Variants in TCF7L1 observed in about 807,000 individuals in gnomAD.
TCF7L1 encodes the protein transcription factor 7 like 1.
In TCF7L1, 18 loss-of-function variants were observed where a neutral mutation model predicts 63.7. The observed-to-expected ratio is 0.28, with a 90% CI of 0.20 to 0.42. TCF7L1 has a LOEUF of 0.42. Ranked by LOEUF, TCF7L1 falls within the 10% of genes least tolerant of loss-of-function variation. The pLI is 1.00. For missense variants in TCF7L1, 654 were observed against 779.3 expected, an observed-to-expected ratio of 0.84 and a Z score of 1.91; for synonymous variants, 355 against 340.9, an observed-to-expected ratio of 1.04 and a Z score of -0.46.
At chr2:85,301,560 G>T (rs1018625628) in intron 4 of TCF7L1, among the ~76,000 whole-genome samples, 1 of 151,306 alleles carries the variant, frequency 6.6e-6, no homozygotes, top group South Asian at 2.1e-4. Flanking sequence ...TGTGTCTGTG[G>T]CGTGCCAGCG....
intron 3 of TCF7L1, among the ~76,000 whole-genome samples, chr2:85,157,537 C>A (rs1172239886): frequency 6.6e-6 from 1 of 152,194 alleles, no homozygotes; most frequent in Non-Finnish European, 1.5e-5. Context: ...CCATGTGGCA[C>A]CACCTCCCCC....
chr2:85,203,085 T>G (rs1422221190), intron 3 of TCF7L1, among the ~76,000 whole-genome samples: 6 of 152,180 alleles, frequency 3.9e-5, no homozygotes, highest in Admixed American at 3.9e-4. Context: ...TCCGCCCGCC[T>G]TGGCCTCTCA....
intron 3 of TCF7L1, among the ~76,000 whole-genome samples, chr2:85,243,864 A>G (rs6725799): frequency 0.6 from 90,720 of 152,072 alleles, 29,283 homozygotes; most frequent in African/African-American, 0.85. Flanking sequence ...CACGGACCAC[A>G]TTGTGAACAG....
At chr2:85,184,775 C>G (rs926967933) in intron 3 of TCF7L1, among the ~76,000 whole-genome samples, 14 of 152,156 alleles carry the variant, frequency 9.2e-5, no homozygotes, top group African/African-American at 2.9e-4. Context: ...AGGGGCGGGA[C>G]AAGGCTAGGG....
chr2:85,286,443 A>G (rs1295102280), intron 4 of TCF7L1, among the ~76,000 whole-genome samples: 1 of 152,046 alleles, frequency 6.6e-6, no homozygotes, highest in African/African-American at 2.4e-5. Context: ...TTGGGAGGCC[A>G]AGGAGGGAGG....
intron 3 of TCF7L1, among the ~76,000 whole-genome samples, chr2:85,153,637 G>T (rs373944910): frequency 6.6e-6 from 1 of 152,012 alleles, no homozygotes; most frequent in Non-Finnish European, 1.5e-5. Flanking sequence ...CACTGCACCC[G>T]GCTAGCCTCT....
chr2:85,237,370 G>A (rs72840190), intron 3 of TCF7L1, among the ~76,000 whole-genome samples: 5,881 of 152,056 alleles, frequency 0.039, 118 homozygotes, highest in Middle Eastern at 0.044. Flanking sequence ...CCTGATTGGA[G>A]CCCTGGTGAC....
Position 85,286,599 on chromosome 2 carries a change from G to C in TCF7L1, c.525+3021G>C, listed in dbSNP as rs143632349. ...CAACCTCTGCCTCCTGGGTTCAAGC[G>C]ATTCTCCTGCCTCAGCCTTCCAAGT... On this transcript the variant is annotated intron_variant, in intron 4 of 11. Coordinates refer to ENST00000282111, the MANE Select transcript of TCF7L1 (RefSeq NM_031283.3). 1.0e-2 allele frequency among the ~76,000 whole-genome samples: 1,514 copies of C among 152,092 alleles called. 17 individuals carry two copies. The highest frequency in any genetic ancestry group is 0.035 in the African/African-American group (1,447 of 41,522).
At chr2:85,195,789 C>T (rs1310557446) in intron 3 of TCF7L1, among the ~76,000 whole-genome samples, 2 of 152,140 alleles carry the variant, frequency 1.3e-5, no homozygotes, top group Non-Finnish European at 2.9e-5. Context: ...TCAAGCCATC[C>T]TCCTGCCTCG....
chr2:85,261,092 T>C (rs755642510), intron 3 of TCF7L1, among the ~76,000 whole-genome samples: 7 of 151,866 alleles, frequency 4.6e-5, no homozygotes, highest in African/African-American at 7.3e-5. Context: ...TCAAGTGTTA[T>C]TTGTTTTCAA....
chr2:85,172,728 C>G (rs527443634), intron 3 of TCF7L1, among the ~76,000 whole-genome samples: 118 of 152,250 alleles, frequency 7.8e-4, no homozygotes, highest in African/African-American at 2.8e-3. Flanking sequence ...GCCCGGCCAC[C>G]TAGAACATTC....
chr2:85,229,650 G>A (rs1468585869), intron 3 of TCF7L1, among the ~76,000 whole-genome samples: 3 of 152,178 alleles, frequency 2.0e-5, no homozygotes, highest in Non-Finnish European at 4.4e-5. Context: ...AAAATTTGGA[G>A]ATTGGGGGAA....
intron 3 of TCF7L1, among the ~76,000 whole-genome samples, chr2:85,148,227 G>A (rs1677926828): frequency 6.6e-6 from 1 of 152,172 alleles, no homozygotes; most frequent in Admixed American, 6.5e-5. Context: ...GCTGGGATGG[G>A]GAGAGTCTGT....
chr2:85,166,671 T>A (rs1678426383), intron 3 of TCF7L1, among the ~76,000 whole-genome samples: 1 of 152,182 alleles, frequency 6.6e-6, no homozygotes, highest in Admixed American at 6.5e-5. Context: ...TGAGATCCGA[T>A]TACCACAGTA....
At chr2:85,226,810 C>A (rs964814675) in intron 3 of TCF7L1, among the ~76,000 whole-genome samples, 4 of 148,588 alleles carry the variant, frequency 2.7e-5, no homozygotes, top group Non-Finnish European at 5.9e-5. Context: ...GTTTATCTCC[C>A]CCCGCCTTTT....
At chr2:85,283,391 C>A in intron 3 of TCF7L1, 104 bp from the exon 4 acceptor site, 2 of 1,209,694 alleles carry the variant, frequency 1.7e-6, no homozygotes, top group Non-Finnish European at 2.4e-6. Flanking sequence ...TGCAGGCCAC[C>A]CCAATGGCCT....
intron 3 of TCF7L1, among the ~76,000 whole-genome samples, chr2:85,224,336 T>C (rs1018730179): frequency 6.6e-6 from 1 of 152,240 alleles, no homozygotes; most frequent in African/African-American, 2.4e-5. Context: ...ATGGTATTTC[T>C]AGTTCTAGAT....
chr2:85,253,510 G>A (rs554581275), intron 3 of TCF7L1, among the ~76,000 whole-genome samples: 2 of 152,288 alleles, frequency 1.3e-5, no homozygotes, highest in Admixed American at 6.5e-5. Flanking sequence ...TGGGTTGAAC[G>A]TTGCAGTAGG....
At chr2:85,147,222 C>T (rs145801400) in intron 3 of TCF7L1, among the ~76,000 whole-genome samples, 5 of 152,172 alleles carry the variant, frequency 3.3e-5, no homozygotes, top group African/African-American at 7.2e-5. Flanking sequence ...CTGCCTAGGC[C>T]GTGTCCTCCA....
Sources: allele counts gnomAD v4.1 joint callset (sites outside exome capture counted in the v4.1 genomes callset), GRCh38; gene constraint gnomAD v4.1.1; transcripts MANE v1.5; gene names NCBI Gene and HGNC (gene_info 2026-07-23, HGNC 2026-07-21).